The following GABRB2 variants were observed in gnomAD, a reference collection of about 807,000 sequenced individuals.
The protein encoded by GABRB2 is gamma-aminobutyric acid receptor subunit beta-2.
A neutral mutation model predicts 54.7 loss-of-function variants in GABRB2; 16 were observed. That is an observed-to-expected ratio of 0.29 (90% CI 0.20 to 0.44). The LOEUF (loss-of-function observed/expected upper bound fraction) is 0.44. GABRB2 is among the 20% of genes least tolerant of loss of function. The probability of loss-of-function intolerance (pLI) is 1.00; values close to 1 mark genes in which losing one functional copy is unlikely to be tolerated. For missense variants in GABRB2, 355 were observed against 644.0 expected (o/e 0.55, Z 4.86); for synonymous variants, 244 against 233.8 (o/e 1.04, Z -0.40).
At chr5:161,301,045 C>A (rs1358429325) in intron 9 of GABRB2, among the ~76,000 whole-genome samples, 1 of 152,038 alleles carries the variant, frequency 6.6e-6, no homozygotes, top group Non-Finnish European at 1.5e-5. Flanking sequence ...ATTAATATTC[C>A]AATTCTAAAA....
At chr5:161,529,880 C>T (rs1328672333) in intron 3 of GABRB2, among the ~76,000 whole-genome samples, 5 of 152,074 alleles carry the variant, frequency 3.3e-5, no homozygotes, top group East Asian at 1.9e-4. Context: ...ATTATAAACA[C>T]ATTCTTACAT....
intron 3 of GABRB2, among the ~76,000 whole-genome samples, chr5:161,539,306 G>A (rs190556466): frequency 6.6e-6 from 1 of 152,266 alleles, no homozygotes; most frequent in Non-Finnish European, 1.5e-5. Context: ...TTTCTGCTCA[G>A]GAGCATTCTA....
At chr5:161,440,347 G>A (rs538079024) in intron 4 of GABRB2, among the ~76,000 whole-genome samples, 3 of 151,972 alleles carry the variant, frequency 2.0e-5, no homozygotes, top group African/African-American at 4.8e-5. Flanking sequence ...TACAAGAAAC[G>A]CACTTCAACT....
intron 4 of GABRB2, among the ~76,000 whole-genome samples, chr5:161,455,486 CA>C (rs1360276904): frequency 6.6e-6 from 1 of 151,346 alleles, no homozygotes; most frequent in Admixed American, 6.6e-5. Context: ...GATAATAGAA[CA>C]AAAGGTCCCT....
chr5:161,312,069 A>G (rs1010060096), intron 9 of GABRB2, among the ~76,000 whole-genome samples: 4 of 151,800 alleles, frequency 2.6e-5, no homozygotes, highest in African/African-American at 9.7e-5. Context: ...TGCTAAATCA[A>G]TCTCAACCAA....
At chr5:161,492,083 C>A (rs1285661649) in intron 3 of GABRB2, among the ~76,000 whole-genome samples, 1 of 151,526 alleles carries the variant, frequency 6.6e-6, no homozygotes, top group African/African-American at 2.4e-5. Context: ...TGATTAAAGT[C>A]CATATTTCAA....
rs939847960 is a variant in GABRB2, at chr5:161,328,235, C to T, written c.1078-1754G>A. Reference sequence around the variant, plus strand: ...ATACACTGCTTTAGGGATGCTACTGCATTCCACATGGTAGAGCATATAGAA... The same window carrying T: ...ATACACTGCTTTAGGGATGCTACTGTATTCCACATGGTAGAGCATATAGAA... On this transcript the variant is annotated intron_variant, in intron 8 of 9. Transcript: ENST00000393959. 1.2e-4 allele frequency among the ~76,000 whole-genome samples: 18 copies of T among 152,190 alleles called. 1 individual carries two copies. Among genetic ancestry groups the T allele is most frequent in the Non-Finnish European group, 5.9e-5 (4 of 68,032 alleles).
At chr5:161,352,170 C>T (rs1169911268) in intron 5 of GABRB2, among the ~76,000 whole-genome samples, 1 of 151,866 alleles carries the variant, frequency 6.6e-6, no homozygotes, top group Non-Finnish European at 1.5e-5. Flanking sequence ...AATAGAACTA[C>T]CATATATATG....
intron 9 of GABRB2, among the ~76,000 whole-genome samples, chr5:161,302,539 G>C (rs999753180): frequency 6.6e-6 from 1 of 152,102 alleles, no homozygotes; most frequent in African/African-American, 2.4e-5. Context: ...GGGGAAATGG[G>C]ACTATCTGAA....
intron 3 of GABRB2, among the ~76,000 whole-genome samples, chr5:161,461,644 C>G (rs1282080594): frequency 6.6e-6 from 1 of 152,142 alleles, no homozygotes; most frequent in Non-Finnish European, 1.5e-5. Flanking sequence ...TCACCCTCAT[C>G]TGAATGACTA....
intron 4 of GABRB2, among the ~76,000 whole-genome samples, chr5:161,454,155 T>A (rs990432103): frequency 6.6e-6 from 1 of 152,054 alleles, no homozygotes; most frequent in African/African-American, 2.4e-5. Context: ...AGAGGCTTGG[T>A]TTAGGAAGAA....
At chr5:161,524,547 A>G (rs920707001) in intron 3 of GABRB2, among the ~76,000 whole-genome samples, 2 of 151,444 alleles carry the variant, frequency 1.3e-5, no homozygotes, top group Non-Finnish European at 3.0e-5. Context: ...CAAATACACC[A>G]TAATACCTCA....
intron 7 of GABRB2, 145 bp from the exon 8 acceptor site, chr5:161,331,272 T>C: frequency 1.1e-6 from 1 of 903,614 alleles, no homozygotes; most frequent in Non-Finnish European, 1.6e-6. Flanking sequence ...ATGCCAGCCC[T>C]AGGATAGGGA....
At chr5:161,362,641 G>A (rs1451834260) in intron 5 of GABRB2, among the ~76,000 whole-genome samples, 2 of 152,032 alleles carry the variant, frequency 1.3e-5, no homozygotes, top group East Asian at 1.9e-4. Context: ...CTGACAAAGG[G>A]CTAATATCCA....
rs183927747 is a variant in GABRB2 at position 161,298,553 on chromosome 5, T to G, written c.1192-4125A>C. ...CTTAGTAACTCACTTCACCTCTTTG[T>G]GAGTCATCAATAAGATGGGTTTAAC... On this transcript the variant is annotated intron_variant, in intron 9 of 9. Transcript: ENST00000393959. 5.5e-4 allele frequency among the ~76,000 whole-genome samples: 84 copies of G among 152,318 alleles called. 3 individuals are homozygous for G. The East Asian group carries it at 0.015, about 28-fold the overall frequency.
chr5:161,297,319 C>G (rs1757406687), intron 9 of GABRB2, among the ~76,000 whole-genome samples: 1 of 152,162 alleles, frequency 6.6e-6, no homozygotes, highest in African/African-American at 2.4e-5. Context: ...TTCTGGGACA[C>G]ATGTGCAGAA....
In GABRB2 at chr5:161,391,775, A is replaced by T. The variant is rs1382613826; in HGVS notation, c.541+19200T>A. Among the ~76,000 whole-genome samples the T allele has an allele frequency of 3.3e-5, 5 of 152,194 alleles. No homozygotes were observed. In the East Asian group the frequency reaches 7.7e-4, roughly 23 times the overall value. ...GAAGTTGGTTGCAGATACCAACAAG[A>T]TGTAATGGAAAATTTTGCTTTTCTA... On this transcript the variant is annotated intron_variant, in intron 5 of 9. Coordinates refer to ENST00000393959, the MANE Select transcript of GABRB2 (RefSeq NM_001371727.1).
At chr5:161,321,859 C>T (rs537119934) in intron 9 of GABRB2, among the ~76,000 whole-genome samples, 7 of 152,090 alleles carry the variant, frequency 4.6e-5, no homozygotes, top group East Asian at 1.9e-4. Context: ...CCCATTACAT[C>T]CTTTTAAACT....
intron 4 of GABRB2, among the ~76,000 whole-genome samples, chr5:161,445,040 A>C (rs1217908676): frequency 6.6e-6 from 1 of 152,094 alleles, no homozygotes; most frequent in Non-Finnish European, 1.5e-5. Flanking sequence ...GCGAAACGGC[A>C]ATTACTCATT....
Sources: gnomAD v4.1 joint callset for allele counts (sites outside exome capture counted in the v4.1 genomes callset) on GRCh38, gnomAD v4.1.1 for gene constraint, MANE v1.5 for transcripts, NCBI Gene and HGNC (gene_info 2026-07-23, HGNC 2026-07-21) for gene names.